The following ARL15 variants were observed in gnomAD, a reference collection of about 807,000 sequenced individuals.
ARL15 encodes ARF like GTPase 15.
Under a neutral mutation model 25.2 loss-of-function variants are expected in ARL15, and 19 were observed. The observed-to-expected ratio is 0.75, with a 90% CI of 0.53 to 1.10. ARL15 has a LOEUF of 1.10. Among genes scored for constraint, ARL15 ranks in the 50% least tolerant of loss-of-function variants. The pLI is 0.00. For synonymous variants in ARL15, 94 were observed against 86.8 expected, an observed-to-expected ratio of 1.08 and a Z score of -0.46; for missense variants, 220 against 246.0, an observed-to-expected ratio of 0.89 and a Z score of 0.71.
chr5:54,248,596 C>A (rs1188674171), intron 1 of ARL15, among the ~76,000 whole-genome samples: 1 of 152,234 alleles, frequency 6.6e-6, no homozygotes. Context: ...CCCTTACCAC[C>A]ATCTGACATT....
intron 4 of ARL15, among the ~76,000 whole-genome samples, chr5:54,065,150 T>C (rs980691163): frequency 7.9e-5 from 12 of 152,100 alleles, no homozygotes; most frequent in African/African-American, 2.9e-4. Context: ...AAATGCAAAA[T>C]AAAAGAGTTT....
Position 54,199,056 on chromosome 5 carries a change from C to T in ARL15, c.49-27128G>A, listed in dbSNP as rs1334475888. On this transcript the variant is annotated intron_variant, in intron 1 of 4. Transcript: ENST00000504924. The stretch of plus-strand genomic sequence containing the variant: ...AAACAAGCAATGGGGAAAGGATTCC[C>T]TATTTAATAAATGGTGCTGGGAAAA... Among the ~76,000 whole-genome samples the T allele has an allele frequency of 1.1e-4, 17 of 151,752 alleles. No individual in the cohort carries two copies. The South Asian group carries it at 3.5e-3, about 32-fold the overall frequency.
In ARL15 at chr5:54,090,711, A is replaced by G. The variant is rs541008296; in HGVS notation, c.462+22491T>C. ...AGGAAAGGAGGAGGGAGAGAGGAGG[A>G]TAGGAAAAGGAAAGATAAAAAAGGA... On this transcript the variant is annotated intron_variant, in intron 4 of 4. Transcript: ENST00000504924. 6.6e-5 allele frequency among the ~76,000 whole-genome samples: 10 copies of G among 152,264 alleles called. 1 individual carries two copies. The South Asian group carries it at 1.9e-3, about 28-fold the overall frequency.
intron 4 of ARL15, among the ~76,000 whole-genome samples, chr5:53,964,521 G>A (rs1197975865): frequency 3.3e-5 from 5 of 151,936 alleles, no homozygotes; most frequent in African/African-American, 4.8e-5. Context: ...CACCATGCCT[G>A]GCTAATTTTG....
intron 4 of ARL15, among the ~76,000 whole-genome samples, chr5:53,971,797 T>C (rs1161678823): frequency 1.3e-5 from 2 of 152,232 alleles, no homozygotes; most frequent in African/African-American, 4.8e-5. Flanking sequence ...TTCTTGCTGA[T>C]GTGATGCAAT....
chr5:53,888,273 ATTT>A (rs140260663), intron 4 of ARL15, among the ~76,000 whole-genome samples: 13,807 of 151,364 alleles, frequency 0.091, 743 homozygotes, highest in Non-Finnish European at 0.13. Context: ...TTATTTATTT[ATTT>A]TTTTATTTTT....
At chr5:54,126,411 G>A (rs569609789) in intron 3 of ARL15, among the ~76,000 whole-genome samples, 2 of 152,270 alleles carry the variant, frequency 1.3e-5, no homozygotes, top group African/African-American at 4.8e-5. Context: ...TTGAAACTAT[G>A]AATCTTAAGT....
At chr5:53,992,675 T>C (rs80098167) in intron 4 of ARL15, among the ~76,000 whole-genome samples, 3 of 152,162 alleles carry the variant, frequency 2.0e-5, no homozygotes, top group African/African-American at 4.8e-5. Context: ...AACAATGTCA[T>C]GGACTCTACC....
At chr5:53,891,492 TC>T (rs1354301995) in intron 4 of ARL15, among the ~76,000 whole-genome samples, 2 of 152,138 alleles carry the variant, frequency 1.3e-5, no homozygotes, top group Non-Finnish European at 2.9e-5. Context: ...ACCTGCACCC[TC>T]CCATGCCCAA....
intron 4 of ARL15, among the ~76,000 whole-genome samples, chr5:53,922,793 G>A (rs1260739089): frequency 6.6e-6 from 1 of 152,184 alleles, no homozygotes; most frequent in African/African-American, 2.4e-5. Flanking sequence ...TTCCATCTGT[G>A]CTGACAACTG....
intron 1 of ARL15, among the ~76,000 whole-genome samples, chr5:54,191,577 C>T (rs1245081081): frequency 1.3e-5 from 2 of 152,136 alleles, no homozygotes; most frequent in Admixed American, 1.3e-4. Flanking sequence ...TTAACAACAG[C>T]TCCATTTTTT....
intron 1 of ARL15, among the ~76,000 whole-genome samples, chr5:54,209,106 T>A (rs1579912912): frequency 6.6e-6 from 1 of 152,038 alleles, no homozygotes; most frequent in African/African-American, 2.4e-5. Flanking sequence ...TATAAAGGCA[T>A]AATAATGTAA....
chr5:54,144,170 A>T (rs1369042718), intron 3 of ARL15, among the ~76,000 whole-genome samples: 1 of 151,936 alleles, frequency 6.6e-6, no homozygotes, highest in Non-Finnish European at 1.5e-5. Flanking sequence ...TATTAATTAT[A>T]TTTGGAATTG....
At chr5:53,990,468 G>C (rs1748448776) in intron 4 of ARL15, among the ~76,000 whole-genome samples, 1 of 152,166 alleles carries the variant, frequency 6.6e-6, no homozygotes, top group East Asian at 1.9e-4. Context: ...AGTGCTAACA[G>C]CCTTACCAGG....
chr5:54,194,932 C>A (rs180967416), intron 1 of ARL15, among the ~76,000 whole-genome samples: 9 of 152,098 alleles, frequency 5.9e-5, no homozygotes, highest in East Asian at 1.9e-4. Flanking sequence ...CAAAGGCCTG[C>A]GTAGTGAGGT....
At chr5:53,925,559 T>G (rs1745992183) in intron 4 of ARL15, among the ~76,000 whole-genome samples, 1 of 152,140 alleles carries the variant, frequency 6.6e-6, no homozygotes, top group African/African-American at 2.4e-5. Context: ...TCTCAGTGCT[T>G]TGGGAGGCCA....
intron 3 of ARL15, among the ~76,000 whole-genome samples, chr5:54,118,203 A>C (rs532518940): frequency 3.3e-5 from 5 of 152,328 alleles, no homozygotes; most frequent in Non-Finnish European, 5.9e-5. Flanking sequence ...ATAGTATCAA[A>C]GAAGACAATC....
chr5:53,994,456 C>G (rs765433540), intron 4 of ARL15, among the ~76,000 whole-genome samples: 4 of 152,156 alleles, frequency 2.6e-5, no homozygotes, highest in Non-Finnish European at 4.4e-5. Flanking sequence ...GAAAACAACA[C>G]ATTTTACTTT....
intron 4 of ARL15, among the ~76,000 whole-genome samples, chr5:53,906,319 T>C (rs1409132603): frequency 1.3e-5 from 2 of 152,116 alleles, no homozygotes; most frequent in Non-Finnish European, 2.9e-5. Context: ...GTCCGGTAGG[T>C]TGCAGGGCTT....
Sources: gnomAD v4.1 joint callset for allele counts (sites outside exome capture counted in the v4.1 genomes callset) on GRCh38, gnomAD v4.1.1 for gene constraint, MANE v1.5 for transcripts, NCBI Gene and HGNC (gene_info 2026-07-23, HGNC 2026-07-21) for gene names.